Variants in ASCC3 observed in about 807,000 individuals in gnomAD.
ASCC3 encodes ASC-1 complex subunit P200.
ASCC3 carries 158 observed loss-of-function variants against 256.3 expected under a neutral mutation model. The ratio of observed to expected loss-of-function variants is 0.62; its 90% CI spans 0.54 to 0.70. The LOEUF is 0.70. ASCC3 is among the 30% of genes least tolerant of loss of function. The pLI, the probability that ASCC3 is intolerant of heterozygous loss-of-function variation, is 0.00. For synonymous variants in ASCC3, 948 were observed against 883.4 expected (o/e 1.07, Z -1.30); for missense variants, 2,259 against 2,626.0 (o/e 0.86, Z 3.05).
intron 4 of ASCC3, among the ~76,000 whole-genome samples, chr6:100,835,414 C>T (rs1380685621): frequency 6.6e-6 from 1 of 152,062 alleles, no homozygotes; most frequent in Non-Finnish European, 1.5e-5. Flanking sequence ...TTTCAGATAT[C>T]AGTTAAGTCA....
At chr6:100,856,530 A>G in intron 3 of ASCC3, 1 of 673,398 alleles carries the variant, frequency 1.5e-6, no homozygotes, top group Non-Finnish European at 1.8e-6. Flanking sequence ...CATACAGTTC[A>G]AAGAATTATC....
chr6:100,856,870 A>G lies in ASCC3; in HGVS notation c.241+7194T>C, dbSNP rs1217835612. 2.0e-5 allele frequency: 3 copies of G among 152,148 alleles called. No homozygotes were observed. The East Asian group carries it at 5.8e-4, about 29-fold the overall frequency. The allele number at this position is 152,148 out of a possible 1,614,324, so 9.4% of individuals were successfully genotyped here. A position where few individuals can be genotyped will look rare whatever the true frequency, so the allele number is the denominator to read the frequency against. ...AATGAACTGGGTTGTTTCTACATTA[A>G]GGCTATCACAAATAATGTTGCAATG... On this transcript the variant is annotated intron_variant, in intron 3 of 41. Transcript: ENST00000369162.
chr6:100,606,867 A>G lies in ASCC3; in HGVS notation c.4924-7T>C, dbSNP rs762522592. On this transcript the variant is annotated splice_region_variant and splice_polypyrimidine_tract_variant and intron_variant, in intron 31 of 41. Coordinates refer to ENST00000369162, the MANE Select transcript of ASCC3 (RefSeq NM_006828.4). ...TGCTTGTAGCAATAAGAACCTAAAA[A>G]GCAAAATAAAATATCTTATATCTAA... is the stretch of plus-strand genomic sequence containing the variant. 7 of 1,611,196 alleles carry G rather than the reference A, an allele frequency of 4.3e-6. No individual in the cohort carries two copies. In the East Asian group the frequency reaches 1.6e-4, roughly 36 times the overall value.
intron 8 of ASCC3, among the ~76,000 whole-genome samples, chr6:100,792,887 A>G (rs1552935): frequency 0.97 from 148,013 of 152,048 alleles, 72,177 homozygotes; most frequent in East Asian, 1. Flanking sequence ...CAGGGTGGCA[A>G]TCCACAAACC....
chr6:100,609,416 T>G (rs1349757348), intron 30 of ASCC3, among the ~76,000 whole-genome samples: 2 of 150,650 alleles, frequency 1.3e-5, no homozygotes, highest in Non-Finnish European at 3.0e-5. Context: ...AATTTTTACA[T>G]TTTTAAACAT....
chr6:100,597,461 G>A (rs971804915), intron 34 of ASCC3, among the ~76,000 whole-genome samples: 3 of 151,992 alleles, frequency 2.0e-5, no homozygotes, highest in Non-Finnish European at 4.4e-5. Flanking sequence ...CATTATTTAT[G>A]TTGCTACTAT....
At chr6:100,797,144 T>C (rs9404051) in intron 8 of ASCC3, among the ~76,000 whole-genome samples, 143,136 of 152,228 alleles carry the variant, frequency 0.94, 67,613 homozygotes, top group South Asian at 0.99. Context: ...GTCAATGATG[T>C]TTTTTTAAAA....
rs79955367 is a variant in ASCC3 at position 100,863,649 on chromosome 6, C to T, written c.241+415G>A. Among the ~76,000 whole-genome samples, 1,915 of 151,990 alleles carry T rather than the reference C, an allele frequency of 0.013. 96 individuals are homozygous for T. The East Asian group carries it at 0.14, about 11-fold the overall frequency. On this transcript the variant is annotated intron_variant, in intron 3 of 41. Coordinates refer to ENST00000369162, the MANE Select transcript of ASCC3 (RefSeq NM_006828.4). ...TTTCTGTTCGAGACAGGGTCTCACT[C>T]GAGTTGCCCAGACTGAAGTGCAGTG...
intron 39 of ASCC3, among the ~76,000 whole-genome samples, chr6:100,513,287 A>G (rs998497604): frequency 6.6e-6 from 1 of 152,194 alleles, no homozygotes; most frequent in Non-Finnish European, 1.5e-5. Context: ...AGGGCTTATC[A>G]TTATTTAAAC....
chr6:100,767,553 C>T (rs748763369), intron 8 of ASCC3, among the ~76,000 whole-genome samples: 1 of 151,998 alleles, frequency 6.6e-6, no homozygotes, highest in Non-Finnish European at 1.5e-5. Context: ...AATGGCAACT[C>T]GATAAATTTG....
chr6:100,647,598 C>G, intron 20 of ASCC3, 147 bp from the exon 21 acceptor site: 2 of 707,936 alleles, frequency 2.8e-6, no homozygotes, highest in South Asian at 1.7e-5. Context: ...TCATATAATC[C>G]TAATTATCTT....
At chr6:100,690,878 GATAA>G (rs950705952) in intron 13 of ASCC3, among the ~76,000 whole-genome samples, 12 of 152,056 alleles carry the variant, frequency 7.9e-5, no homozygotes, top group Admixed American at 2.6e-4. Flanking sequence ...GCTTTTAAGT[GATAA>G]ATAGTTTCAG....
chr6:100,874,410 G>A (rs1463465328), intron 1 of ASCC3, among the ~76,000 whole-genome samples: 2 of 141,042 alleles, frequency 1.4e-5, no homozygotes. Context: ...AGGTTGCAGT[G>A]AGCAGAGATC....
intron 14 of ASCC3, among the ~76,000 whole-genome samples, chr6:100,666,303 A>G (rs1776473783): frequency 6.6e-6 from 1 of 152,094 alleles, no homozygotes; most frequent in African/African-American, 2.4e-5. Flanking sequence ...ACTTTTTTGT[A>G]TATATTAATA....
chr6:100,600,586 G>A (rs974160199), intron 34 of ASCC3, among the ~76,000 whole-genome samples: 1 of 152,106 alleles, frequency 6.6e-6, no homozygotes, highest in African/African-American at 2.4e-5. Flanking sequence ...AATGTTGGCT[G>A]AAAAGAAACT....
intron 36 of ASCC3, among the ~76,000 whole-genome samples, chr6:100,569,913 A>T (rs1770499152): frequency 6.6e-6 from 1 of 152,138 alleles, no homozygotes; most frequent in African/African-American, 2.4e-5. Flanking sequence ...GCAATCTATG[A>T]GTATGGAATG....
chr6:100,556,445 G>T (rs1364772194), intron 36 of ASCC3, among the ~76,000 whole-genome samples: 6 of 152,150 alleles, frequency 3.9e-5, no homozygotes, highest in Non-Finnish European at 8.8e-5. Context: ...ATGAATGTCA[G>T]ATACATTGTC....
At chr6:100,597,054 G>C (rs1772337662) in intron 34 of ASCC3, among the ~76,000 whole-genome samples, 1 of 152,140 alleles carries the variant, frequency 6.6e-6, no homozygotes, top group African/African-American at 2.4e-5. Context: ...TTTCTAGAAA[G>C]TGGTCAACTT....
intron 40 of ASCC3, among the ~76,000 whole-genome samples, chr6:100,512,435 TC>T (rs1773809746): frequency 2.0e-5 from 3 of 152,172 alleles, no homozygotes; most frequent in African/African-American, 4.8e-5. Context: ...TAAAAGGCAC[TC>T]CAGGAAATTC....
Sources: gnomAD v4.1 joint callset for allele counts (sites outside exome capture counted in the v4.1 genomes callset) on GRCh38, gnomAD v4.1.1 for gene constraint, MANE v1.5 for transcripts, NCBI Gene and HGNC (gene_info 2026-07-23, HGNC 2026-07-21) for gene names.